The following RMST variants were observed in gnomAD, a reference collection of about 807,000 sequenced individuals.
The protein encoded by RMST is rhabdomyosarcoma 2 associated transcript.
At chr12:97,521,039 A>G (rs1221472270) in intron 10 of RMST, among the ~76,000 whole-genome samples, 1 of 152,196 alleles carries the variant, frequency 6.6e-6, no homozygotes, top group Non-Finnish European at 1.5e-5. Context: ...AAATGTATAC[A>G]TTCTTATGTG....
chr12:97,544,387 C>A (rs1457818071), intron 11 of RMST, among the ~76,000 whole-genome samples: 1 of 152,016 alleles, frequency 6.6e-6, no homozygotes, highest in Non-Finnish European at 1.5e-5. Context: ...CAGCAGAGAA[C>A]CCACATGATA....
chr12:97,542,617 A>G (rs2136626457), intron 11 of RMST, among the ~76,000 whole-genome samples: 1 of 152,002 alleles, frequency 6.6e-6, no homozygotes, highest in Non-Finnish European at 1.5e-5. Context: ...ACCCCAAAAC[A>G]CATAGAATAT....
intron 11 of RMST, among the ~76,000 whole-genome samples, chr12:97,548,181 C>T (rs775019014): frequency 6.6e-6 from 1 of 152,068 alleles, no homozygotes; most frequent in Admixed American, 6.6e-5. Context: ...CCTGACACCT[C>T]TGTCAAAAAT....
At chr12:97,480,406 T>C (rs1875135799) in intron 5 of RMST, among the ~76,000 whole-genome samples, 1 of 152,214 alleles carries the variant, frequency 6.6e-6, no homozygotes, top group Admixed American at 6.5e-5. Context: ...CGTGAATCCA[T>C]CTGCAAGGCT....
At chr12:97,517,504 A>G (rs1027483718) in intron 10 of RMST, among the ~76,000 whole-genome samples, 1 of 151,884 alleles carries the variant, frequency 6.6e-6, no homozygotes, top group Non-Finnish European at 1.5e-5. Flanking sequence ...AGAAAAACAT[A>G]TATATATACA....
chr12:97,541,964 T>C (rs1166911193), intron 11 of RMST, among the ~76,000 whole-genome samples: 2 of 151,980 alleles, frequency 1.3e-5, no homozygotes, highest in African/African-American at 4.8e-5. Flanking sequence ...ATAATTACTA[T>C]ATGCTTATTG....
At chr12:97,510,131 TAGTA>T (rs1267882658) in intron 10 of RMST, among the ~76,000 whole-genome samples, 1 of 152,208 alleles carries the variant, frequency 6.6e-6, no homozygotes, top group African/African-American at 2.4e-5. Flanking sequence ...ATGGAAGACA[TAGTA>T]AGTATCTGCT....
chr12:97,472,175 G>A (rs1873997536), intron 5 of RMST, among the ~76,000 whole-genome samples: 1 of 152,050 alleles, frequency 6.6e-6, no homozygotes, highest in African/African-American at 2.4e-5. Context: ...TCCATTTGGT[G>A]ACATTTACAG....
At chr12:97,477,148 G>A (rs767714133) in intron 5 of RMST, among the ~76,000 whole-genome samples, 15 of 152,164 alleles carry the variant, frequency 9.9e-5, no homozygotes, top group Non-Finnish European at 1.3e-4. Context: ...GCAGACTAAC[G>A]AGGGTTAAGA....
At chr12:97,491,503 G>A (rs1876810360) in intron 5 of RMST, 1 of 168,434 alleles carries the variant, frequency 5.9e-6, no homozygotes, top group African/African-American at 2.4e-5. Flanking sequence ...GTTTGTGTGT[G>A]TGTGTGATCA....
At chr12:97,483,244 T>C (rs1341838936) in intron 5 of RMST, among the ~76,000 whole-genome samples, 1 of 152,208 alleles carries the variant, frequency 6.6e-6, no homozygotes, top group Non-Finnish European at 1.5e-5. Context: ...CTTAAGCCCA[T>C]GCTCTGAAAC....
intron 10 of RMST, among the ~76,000 whole-genome samples, chr12:97,525,315 G>GTTA (rs1880981319): frequency 1.3e-5 from 2 of 152,122 alleles, no homozygotes; most frequent in South Asian, 4.2e-4. Context: ...GTGAGGTCAT[G>GTTA]TTATGGTGCA....
chr12:97,502,027 G>A (rs1435530399), intron 10 of RMST, among the ~76,000 whole-genome samples: 1 of 152,056 alleles, frequency 6.6e-6, no homozygotes, highest in African/African-American at 2.4e-5. Context: ...TAAGGAAGAG[G>A]TACTAGATTA....
chr12:97,506,675 G>GTT (rs780505590), intron 10 of RMST, among the ~76,000 whole-genome samples: 638 of 76,814 alleles, frequency 8.3e-3, no homozygotes, highest in Non-Finnish European at 9.2e-3. Context: ...AGGGTAATCT[G>GTT]TTTTTTTTTT....
At chr12:97,498,591 C>T (rs1877726325) in intron 10 of RMST, among the ~76,000 whole-genome samples, 1 of 64,950 alleles carries the variant, frequency 1.5e-5, no homozygotes, top group African/African-American at 8.6e-5. Flanking sequence ...CTGTGTAATG[C>T]ATTATGATTA....
intron 5 of RMST, among the ~76,000 whole-genome samples, chr12:97,481,373 T>G (rs973007785): frequency 2.0e-5 from 3 of 152,212 alleles, no homozygotes; most frequent in African/African-American, 7.2e-5. Flanking sequence ...TCTTACTATT[T>G]TATTACCTTG....
intron 5 of RMST, among the ~76,000 whole-genome samples, chr12:97,477,508 A>G (rs375340765): frequency 1.8e-4 from 27 of 152,232 alleles, no homozygotes; most frequent in African/African-American, 5.5e-4. Context: ...AAAAAATTAT[A>G]TAAAACAAAA....
At chr12:97,463,125 T>C (rs916407609) in intron 3 of RMST, 1 of 149,266 alleles carries the variant, frequency 6.7e-6, no homozygotes, top group Non-Finnish European at 1.5e-5. Flanking sequence ...AATCCTCTCT[T>C]TCTCTTTCTC....
chr12:97,529,256 A>T (rs1441170427), intron 10 of RMST, among the ~76,000 whole-genome samples: 3 of 152,052 alleles, frequency 2.0e-5, no homozygotes, highest in Non-Finnish European at 4.4e-5. Flanking sequence ...ATCTAAATAC[A>T]TTTATCAGTT....
Sources: allele counts gnomAD v4.1 joint callset (sites outside exome capture counted in the v4.1 genomes callset), GRCh38; gene constraint gnomAD v4.1.1; transcripts MANE v1.5; gene names NCBI Gene and HGNC (gene_info 2026-07-23, HGNC 2026-07-21).